Variants in LIPG observed in about 807,000 individuals in gnomAD.
LIPG encodes the protein lipase G, endothelial type.
In LIPG, 34 loss-of-function variants were observed where a neutral mutation model predicts 51.8. The observed-to-expected ratio is 0.66, with a 90% CI of 0.50 to 0.87. The LOEUF (loss-of-function observed/expected upper bound fraction) is 0.87. Among genes scored for constraint, LIPG ranks in the 40% least tolerant of loss-of-function variants. The probability of loss-of-function intolerance (pLI) is 0.00; values close to 1 mark genes in which losing one functional copy is unlikely to be tolerated. For missense variants in LIPG, 580 were observed against 652.7 expected, an observed-to-expected ratio of 0.89 and a Z score of 1.21; for synonymous variants, 246 against 246.1, an observed-to-expected ratio of 1.00 and a Z score of 0.00.
At chr18:49,590,384 C>T in intron 9 of LIPG, 117 bp from the exon 10 acceptor site, 1 of 1,041,284 alleles carries the variant, frequency 9.6e-7, no homozygotes, top group South Asian at 1.4e-5. Context: ...GTAAAATAGT[C>T]CCATAGGGGT....
At chr18:49,577,843 G>C (rs2084742171) in intron 5 of LIPG, among the ~76,000 whole-genome samples, 1 of 120,180 alleles carries the variant, frequency 8.3e-6, no homozygotes, top group Non-Finnish European at 1.8e-5. Context: ...CGGGTGGGGG[G>C]GCTGACCCCC....
At chr18:49,588,642 T>C (rs1441364514) in intron 9 of LIPG, among the ~76,000 whole-genome samples, 1 of 152,076 alleles carries the variant, frequency 6.6e-6, no homozygotes, top group Non-Finnish European at 1.5e-5. Context: ...CCCATGTATG[T>C]GGAGCTAAGT....
chr18:49,595,992 A>G lies in LIPG; in HGVS notation c.*5470A>G, dbSNP rs2084980374. 1 of 152,232 alleles carries G rather than the reference A, an allele frequency of 6.6e-6. No homozygotes were observed. The highest frequency in any genetic ancestry group is 2.1e-4 in the South Asian group (1 of 4,836). The allele number at this position is 152,232 out of a possible 1,614,324, so 9.4% of individuals were successfully genotyped here. The stretch of plus-strand genomic sequence containing the variant: ...GAAACAAAATTAGATTCCTATTTTA[A>G]CACGCAACAAAGATGAATTCCAAAA... On this transcript the variant is annotated 3_prime_UTR_variant, in exon 10 of 10. Transcript: ENST00000261292.
intron 5 of LIPG, among the ~76,000 whole-genome samples, chr18:49,576,846 A>C (rs538661078): frequency 7.6e-4 from 115 of 152,208 alleles, no homozygotes; most frequent in African/African-American, 2.6e-3. Context: ...TCCTGGGCTC[A>C]AGCTATCCCC....
In LIPG at chr18:49,596,043, C is replaced by T. The variant is rs1474018631; in HGVS notation, c.*5521C>T. On this transcript the variant is annotated 3_prime_UTR_variant, in exon 10 of 10. Transcript: ENST00000261292. ...TACCTATTGGGTACTATGCTTATTA[C>T]CTGAGTGACGAAATAATCTGTACAG... The T allele has an allele frequency of 5.9e-5, 9 of 152,062 alleles. No individual in the cohort carries two copies. Among genetic ancestry groups the T allele is most frequent in the Admixed American group, 5.9e-4 (9 of 15,254 alleles). The allele number at this position is 152,062 out of a possible 1,614,324, so 9.4% of individuals were successfully genotyped here.
At chr18:49,575,802 A>C (rs1342297824) in intron 5 of LIPG, among the ~76,000 whole-genome samples, 1 of 150,420 alleles carries the variant, frequency 6.6e-6, no homozygotes, top group East Asian at 1.9e-4. Flanking sequence ...TTAAGGTCAC[A>C]GTTGTTATTG....
chr18:49,561,507 C>A, upstream of LIPG: 1 of 427,424 alleles, frequency 2.3e-6, no homozygotes, highest in Non-Finnish European at 3.9e-6. Context: ...AGCCCCTTAG[C>A]TCCGCCGGGT....
chr18:49,565,103 T>G (rs1365240771), intron 1 of LIPG, among the ~76,000 whole-genome samples: 1 of 152,248 alleles, frequency 6.6e-6, no homozygotes, highest in Non-Finnish European at 1.5e-5. Context: ...TTAATACTAG[T>G]GACTAATTAA....
chr18:49,565,596 CTCT>C, intron 2 of LIPG, 98 bp downstream of exon 2: 9 of 1,350,664 alleles, frequency 6.7e-6, no homozygotes, highest in Non-Finnish European at 9.4e-6. Flanking sequence ...ATTCCAAACC[CTCT>C]TCCCCCCTTT....
upstream of LIPG, chr18:49,561,514 G>A (rs1877828808): frequency 9.1e-6 from 4 of 438,288 alleles, no homozygotes; most frequent in Non-Finnish European, 1.5e-5. Context: ...TAGCTCCGCC[G>A]GGTTATTGTG....
intron 7 of LIPG, among the ~76,000 whole-genome samples, chr18:49,582,877 A>G (rs1195379077): frequency 1.3e-5 from 2 of 151,430 alleles, no homozygotes; most frequent in African/African-American, 4.9e-5. Flanking sequence ...AGCGATCTGT[A>G]TATGTTTGTT....
chr18:49,589,962 C>T (rs1376044661), intron 9 of LIPG: 2 of 177,720 alleles, frequency 1.1e-5, no homozygotes, highest in Non-Finnish European at 2.4e-5. Flanking sequence ...TAGCATCCTC[C>T]CTCCTGACAT....
Position 49,595,148 on chromosome 18 carries a change from C to T in LIPG, c.*4626C>T, listed in dbSNP as rs1286940581. ...TGTGTTCAGAGCTACCCTGAGCCCT[C>T]TGCCATGTAAGCTCTCTGATGGCAC... is the stretch of plus-strand genomic sequence containing the variant. On this transcript the variant is annotated 3_prime_UTR_variant, in exon 10 of 10. Coordinates refer to ENST00000261292, the MANE Select transcript of LIPG (RefSeq NM_006033.4). 1.3e-5 allele frequency: 2 copies of T among 152,240 alleles called. No individual in the cohort carries two copies. The highest frequency in any genetic ancestry group is 2.9e-5 in the Non-Finnish European group (2 of 68,044). The allele number at this position is 152,240 out of a possible 1,614,324, so 9.4% of individuals were successfully genotyped here. A position where few individuals can be genotyped will look rare whatever the true frequency, so the allele number is the denominator to read the frequency against.
intron 6 of LIPG, 76 bp downstream of exon 6, chr18:49,581,733 G>T: frequency 6.4e-7 from 1 of 1,560,402 alleles, no homozygotes; most frequent in South Asian, 1.1e-5. Flanking sequence ...GCAGAGCAGG[G>T]CACATCCTAG....
chr18:49,584,213 G>A (rs1314241783), intron 8 of LIPG, among the ~76,000 whole-genome samples: 6 of 152,214 alleles, frequency 3.9e-5, no homozygotes, highest in Admixed American at 3.3e-4. Flanking sequence ...GTCTGTGGGA[G>A]GAACTGGTTT....
rs2084852139 is a variant in LIPG at position 49,583,764 on chromosome 18, A to T, written c.1366A>T (p.Thr456Ser). 1.9e-6 allele frequency: 3 copies of T among 1,611,638 alleles called. No homozygotes were observed. The highest frequency in any genetic ancestry group is 8.5e-7 in the Non-Finnish European group (1 of 1,179,190). ...IRRIRVKSGE[T>S]QRKLTFCTED... ...GCGCATCCGGGTGAAGTCTGGGGAA[A>T]CCCAGCGGAAGTAAGTGCCTCCTGC... The change falls in exon 8 of 10, where the codon ACC becomes TCC. Residue 456 changes from threonine to serine, a missense_variant. Coordinates refer to ENST00000261292, the MANE Select transcript of LIPG (RefSeq NM_006033.4).
intron 4 of LIPG, among the ~76,000 whole-genome samples, chr18:49,573,073 C>G (rs113562059): frequency 1.2e-4 from 19 of 152,300 alleles, no homozygotes; most frequent in African/African-American, 4.1e-4. Context: ...GCCTTGCCTG[C>G]CAGCCAGCCT....
At chr18:49,584,172 G>C (rs780442595) in intron 8 of LIPG, among the ~76,000 whole-genome samples, 1 of 152,198 alleles carries the variant, frequency 6.6e-6, no homozygotes, top group Non-Finnish European at 1.5e-5. Context: ...GCAGACTGGA[G>C]TATCACTTCC....
Position 49,592,887 on chromosome 18 carries a change from TAAA to T in LIPG, c.*2369_*2371del, listed in dbSNP as rs903986543. The stretch of plus-strand genomic sequence containing the variant: ...TTAAAATTTTTAAATAGTAAAATAA[TAAA>T]AAATTATAAAGTTCTTAATGGTCTG... On this transcript the variant is annotated 3_prime_UTR_variant, in exon 10 of 10. Transcript: ENST00000261292. 16 of 149,560 alleles carry T rather than the reference TAAA, an allele frequency of 1.1e-4. No individual in the cohort carries two copies. The highest frequency in any genetic ancestry group is 2.2e-4 in the Non-Finnish European group (15 of 67,508). 9.3% of individuals were successfully genotyped at this position (149,560 alleles called of 1,614,324 possible).
Sources: allele counts gnomAD v4.1 joint callset (sites outside exome capture counted in the v4.1 genomes callset), GRCh38; gene constraint gnomAD v4.1.1; transcripts MANE v1.5; gene names NCBI Gene and HGNC (gene_info 2026-07-23, HGNC 2026-07-21).